COL21A1: variants seen among roughly 807,000 people sequenced by gnomAD.
COL21A1 encodes collagen type XXI alpha 1 chain, also known as collagen alpha-1(XXI) chain.
COL21A1 carries 149 observed loss-of-function variants against 137.9 expected under a neutral mutation model. That is an observed-to-expected ratio of 1.08 (90% CI 0.95 to 1.24). The LOEUF is 1.24. Ranked by LOEUF, COL21A1 falls within the 50% of genes most tolerant of loss-of-function variation. The pLI is 0.00. For missense variants in COL21A1, 1,167 were observed against 1,158.4 expected (o/e 1.01, Z -0.11); for synonymous variants, 456 against 391.5 (o/e 1.16, Z -1.95).
At chr6:56,361,321 A>G (rs1307486476) in intron 1 of COL21A1, among the ~76,000 whole-genome samples, 1 of 152,196 alleles carries the variant, frequency 6.6e-6, no homozygotes, top group Non-Finnish European at 1.5e-5. Flanking sequence ...TCCGTCTCAT[A>G]AAAGAATAAC....
chr6:56,345,760 C>T (rs373434546), intron 1 of COL21A1, among the ~76,000 whole-genome samples: 109 of 152,326 alleles, frequency 7.2e-4, no homozygotes, highest in Middle Eastern at 3.4e-3. Context: ...TGGAAATATG[C>T]TGTGGTAATA....
Position 56,059,154 on chromosome 6 carries a change from G to A in COL21A1, c.2686+11C>T. ...GAGCAGTAACACTTATGAGCAGGTA[G>A]CAATTCTCACCTGGGGGACCAGGAG... is the stretch of plus-strand genomic sequence containing the variant. On this transcript the variant is annotated intron_variant, in intron 29 of 29. Coordinates refer to ENST00000244728, the MANE Select transcript of COL21A1 (RefSeq NM_030820.4). 6.2e-7 allele frequency: 1 copy of A among 1,605,474 alleles called. No individual in the cohort carries two copies. The highest frequency in any genetic ancestry group is 1.1e-5 in the South Asian group (1 of 90,726).
At chr6:56,377,787 A>C (rs986611837) in intron 1 of COL21A1, among the ~76,000 whole-genome samples, 7 of 148,656 alleles carry the variant, frequency 4.7e-5, no homozygotes, top group African/African-American at 1.8e-4. Context: ...TCCAGGCTGC[A>C]CAGTTTGCAG....
rs184945479 is a variant in COL21A1, at chr6:56,269,941, T to C, written c.-38-87285A>G. Among the ~76,000 whole-genome samples, 557 of 152,204 alleles carry C rather than the reference T, an allele frequency of 3.7e-3. 2 individuals carry two copies. The highest frequency in any genetic ancestry group is 6.1e-3 in the Non-Finnish European group (415 of 68,012). ...GAGGTTCTTAAGAGAGTGCTAAACA[T>C]GGTAACAAAAGAACGACACCTGCTA... On this transcript the variant is annotated intron_variant, in intron 1 of 28. Coordinates refer to the COL21A1 transcript ENST00000370819.
chr6:56,116,724 C>T (rs1462219172), intron 16 of COL21A1, among the ~76,000 whole-genome samples: 2 of 151,756 alleles, frequency 1.3e-5, no homozygotes, highest in Non-Finnish European at 2.9e-5. Context: ...ATGAACCAAT[C>T]AAAAATAATA....
chr6:56,281,301 A>G (rs1020752154), intron 1 of COL21A1, among the ~76,000 whole-genome samples: 1 of 152,224 alleles, frequency 6.6e-6, no homozygotes, highest in Non-Finnish European at 1.5e-5. Flanking sequence ...AATAACAGTT[A>G]TAAAGTTAGA....
intron 1 of COL21A1, among the ~76,000 whole-genome samples, chr6:56,319,759 C>G (rs1764822922): frequency 6.6e-6 from 1 of 152,144 alleles, no homozygotes; most frequent in African/African-American, 2.4e-5. Flanking sequence ...TATGGATTCT[C>G]CATGAAAGCT....
At chr6:56,248,816 T>C (rs989023112), upstream of COL21A1, among the ~76,000 whole-genome samples, 9 of 151,128 alleles carry the variant, frequency 6.0e-5, no homozygotes, top group East Asian at 2.0e-4. Context: ...AAAAATATGA[T>C]AGGAGAACAT....
intron 12 of COL21A1, among the ~76,000 whole-genome samples, chr6:56,136,327 G>T (rs1774000870): frequency 6.6e-6 from 1 of 152,130 alleles, no homozygotes; most frequent in Non-Finnish European, 1.5e-5. Context: ...CCTACCTATT[G>T]TCTTGCTTGT....
intron 1 of COL21A1, among the ~76,000 whole-genome samples, chr6:56,383,914 C>T (rs762623127): frequency 6.6e-6 from 1 of 152,114 alleles, no homozygotes; most frequent in Non-Finnish European, 1.5e-5. Context: ...TAGCTCGAGG[C>T]TTTCATCCAT....
At chr6:56,388,802 T>A (rs769512061) in intron 1 of COL21A1, among the ~76,000 whole-genome samples, 3 of 152,220 alleles carry the variant, frequency 2.0e-5, no homozygotes, top group Non-Finnish European at 4.4e-5. Context: ...AAGGCACTAG[T>A]GACCAATCTC....
At position 56,101,457 on chromosome 6, in the gene COL21A1, T is replaced by G; in HGVS notation, c.1812+15A>C. ...AGAACTTCATCTTTTAGAACTGAAATGAGAAGGTACTCACAGGCTCTCCCC... is the reference window on the plus strand; with the variant it reads ...AGAACTTCATCTTTTAGAACTGAAAGGAGAAGGTACTCACAGGCTCTCCCC... On this transcript the variant is annotated intron_variant, in intron 17 of 29. Transcript: ENST00000244728. The G allele has an allele frequency of 6.3e-7, 1 of 1,578,038 alleles. No individual in the cohort carries two copies. Among genetic ancestry groups the G allele is most frequent in the Non-Finnish European group, 8.6e-7 (1 of 1,156,328 alleles).
At chr6:56,291,096 GA>G (rs1764030629) in intron 1 of COL21A1, among the ~76,000 whole-genome samples, 1 of 152,086 alleles carries the variant, frequency 6.6e-6, no homozygotes, top group Non-Finnish European at 1.5e-5. Flanking sequence ...CAAGGGAAGG[GA>G]AAGAAACCAC....
chr6:56,327,378 A>ATATTTT (rs1190870312), intron 1 of COL21A1, among the ~76,000 whole-genome samples: 48 of 152,220 alleles, frequency 3.2e-4, no homozygotes, highest in African/African-American at 1.1e-3. Context: ...TATTCATTTA[A>ATATTTT]ACAAAAGTAA....
At chr6:56,058,521 C>G (rs1765524614) in intron 29 of COL21A1, among the ~76,000 whole-genome samples, 1 of 152,124 alleles carries the variant, frequency 6.6e-6, no homozygotes, top group Admixed American at 6.6e-5. Context: ...CTCCTCTACT[C>G]CCTGCTACTA....
At chr6:56,118,174 A>G (rs1772111968) in intron 16 of COL21A1, among the ~76,000 whole-genome samples, 1 of 151,908 alleles carries the variant, frequency 6.6e-6, no homozygotes, top group Non-Finnish European at 1.5e-5. Context: ...CAAAATTGAC[A>G]AATTTTTAGC....
chr6:56,063,977 C>T (rs977007754), intron 24 of COL21A1, among the ~76,000 whole-genome samples: 1 of 152,058 alleles, frequency 6.6e-6, no homozygotes, highest in African/African-American at 2.4e-5. Flanking sequence ...TGCCTTTGTC[C>T]GTCCACTTTG....
At chr6:56,265,111 G>A (rs1763365441) in intron 1 of COL21A1, among the ~76,000 whole-genome samples, 3 of 152,224 alleles carry the variant, frequency 2.0e-5, no homozygotes, top group Admixed American at 6.5e-5. Context: ...GGAGAGGACA[G>A]TTGAAAGGAG....
chr6:56,303,753 A>G (rs1463189533), intron 1 of COL21A1, among the ~76,000 whole-genome samples: 3 of 152,190 alleles, frequency 2.0e-5, no homozygotes, highest in African/African-American at 7.2e-5. Context: ...CCCTGGCCAG[A>G]ACTTCCAACA....
Sources: allele counts gnomAD v4.1 joint callset (sites outside exome capture counted in the v4.1 genomes callset), GRCh38; gene constraint gnomAD v4.1.1; transcripts MANE v1.5; gene names NCBI Gene and HGNC (gene_info 2026-07-23, HGNC 2026-07-21).